The following LRBA variants were observed in gnomAD, a reference collection of about 807,000 sequenced individuals.
LRBA encodes LPS responsive beige-like anchor protein.
LRBA carries 176 observed loss-of-function variants against 330.0 expected under a neutral mutation model. The observed-to-expected ratio is 0.53, with a 90% CI of 0.47 to 0.60. The LOEUF (loss-of-function observed/expected upper bound fraction) is 0.60. Ranked by LOEUF, LRBA falls within the 20% of genes least tolerant of loss-of-function variation. The pLI is 0.00. For synonymous variants in LRBA, 1,230 were observed against 1,193.0 expected, an observed-to-expected ratio of 1.03 and a Z score of -0.64; for missense variants, 3,259 against 3,444.8, an observed-to-expected ratio of 0.95 and a Z score of 1.35.
At chr4:150,809,127 T>C (rs1036127262) in intron 31 of LRBA, among the ~76,000 whole-genome samples, 4 of 152,124 alleles carry the variant, frequency 2.6e-5, no homozygotes, top group East Asian at 1.9e-4. Context: ...AAACTGAGAA[T>C]TGTAGAATTC....
chr4:150,509,754 C>T (rs1761614047), intron 40 of LRBA, among the ~76,000 whole-genome samples: 2 of 152,104 alleles, frequency 1.3e-5, no homozygotes, highest in African/African-American at 4.8e-5. Context: ...GAAGAGACAT[C>T]AAAACAGATT....
At chr4:150,841,477 T>C (rs1222230364) in intron 28 of LRBA, among the ~76,000 whole-genome samples, 2 of 152,086 alleles carry the variant, frequency 1.3e-5, no homozygotes, top group African/African-American at 2.4e-5. Flanking sequence ...TTAGCAAACT[T>C]GAACAAGATA....
At chr4:151,010,078 C>T (rs936010074) in intron 2 of LRBA, among the ~76,000 whole-genome samples, 1 of 151,760 alleles carries the variant, frequency 6.6e-6, no homozygotes, top group African/African-American at 2.4e-5. Context: ...AATACTATAC[C>T]ATTTTATATA....
chr4:150,679,820 C>T (rs1297105500), intron 37 of LRBA, among the ~76,000 whole-genome samples: 2 of 152,146 alleles, frequency 1.3e-5, no homozygotes, highest in Non-Finnish European at 2.9e-5. Context: ...ATGTCTCTAG[C>T]TCTACCTATG....
chr4:150,655,853 C>A (rs1438906661), intron 37 of LRBA, among the ~76,000 whole-genome samples: 1 of 152,098 alleles, frequency 6.6e-6, no homozygotes, highest in Non-Finnish European at 1.5e-5. Context: ...GACATGGAAC[C>A]TCAAGGGTCT....
chr4:150,763,886 C>A (rs1735417765), intron 34 of LRBA, among the ~76,000 whole-genome samples: 1 of 151,916 alleles, frequency 6.6e-6, no homozygotes, highest in South Asian at 2.1e-4. Flanking sequence ...TAACCATGAC[C>A]TCTGTGGATA....
At chr4:150,360,893 C>A (rs1263389953) in intron 47 of LRBA, among the ~76,000 whole-genome samples, 1 of 152,148 alleles carries the variant, frequency 6.6e-6, no homozygotes. Context: ...TTATGACTAT[C>A]CTCTAAATAA....
chr4:150,530,885 T>C (rs907818454), intron 40 of LRBA, among the ~76,000 whole-genome samples: 11 of 152,282 alleles, frequency 7.2e-5, no homozygotes, highest in African/African-American at 2.4e-4. Context: ...ATTATACACA[T>C]AGGGAAGCTC....
intron 34 of LRBA, among the ~76,000 whole-genome samples, chr4:150,783,475 G>C (rs1738567518): frequency 6.6e-6 from 1 of 152,182 alleles, no homozygotes; most frequent in African/African-American, 2.4e-5. Context: ...CAATTTTGTA[G>C]TATCTGATAC....
chr4:150,414,315 A>T (rs567725303), intron 47 of LRBA, among the ~76,000 whole-genome samples: 1 of 152,260 alleles, frequency 6.6e-6, no homozygotes, highest in South Asian at 2.1e-4. Flanking sequence ...AATAATAATG[A>T]GACTGTAATA....
chr4:150,674,321 T>C lies in LRBA; in HGVS notation c.5921+9230A>G, dbSNP rs561045098. 7.2e-5 allele frequency among the ~76,000 whole-genome samples: 11 copies of C among 151,972 alleles called. No homozygotes were observed. The South Asian group carries it at 2.1e-3, about 29-fold the overall frequency. ...AATAAGAATGATCCTGACCCAAGTA[T>C]TTCAGAATACAAAAAGTCAAACAGT... is the stretch of plus-strand genomic sequence containing the variant. On this transcript the variant is annotated intron_variant, in intron 37 of 56. Transcript: ENST00000651943.
intron 51 of LRBA, among the ~76,000 whole-genome samples, chr4:150,313,643 A>G (rs1354285081): frequency 1.3e-5 from 2 of 151,888 alleles, no homozygotes; most frequent in Non-Finnish European, 2.9e-5. Context: ...TTTTTTATTT[A>G]TGGTGGCTTT....
At chr4:150,374,313 T>C (rs1341239041) in intron 47 of LRBA, among the ~76,000 whole-genome samples, 1 of 152,238 alleles carries the variant, frequency 6.6e-6, no homozygotes, top group South Asian at 2.1e-4. Context: ...TAAGGCCATG[T>C]GCTCAAGTTA....
intron 46 of LRBA, among the ~76,000 whole-genome samples, chr4:150,418,062 C>G (rs540584967): frequency 2.0e-4 from 30 of 150,802 alleles, no homozygotes; most frequent in Admixed American, 9.9e-4. Context: ...CACTCTGTCA[C>G]CCAGGTTGGA....
chr4:150,799,598 T>C (rs1488131491), intron 33 of LRBA, among the ~76,000 whole-genome samples: 4 of 152,258 alleles, frequency 2.6e-5, no homozygotes, highest in African/African-American at 9.6e-5. Flanking sequence ...TTCCTGCCAT[T>C]GGGCCCTGAT....
chr4:150,762,385 T>C (rs1735212756), intron 34 of LRBA, among the ~76,000 whole-genome samples: 1 of 151,862 alleles, frequency 6.6e-6, no homozygotes, highest in South Asian at 2.1e-4. Flanking sequence ...TAGTAATATC[T>C]GGTATAAATC....
Position 150,844,668 on chromosome 4 carries a change from G to T in LRBA, c.4451C>A (p.Ser1484Tyr). 1 of 1,612,032 alleles carries T rather than the reference G, an allele frequency of 6.2e-7. No individual in the cohort carries two copies. Among genetic ancestry groups the T allele is most frequent in the South Asian group, 1.1e-5 (1 of 90,568 alleles). The change falls in exon 27 of 57, where the codon TCT becomes TAT. Residue 1484 changes from serine (S) to tyrosine (Y), a missense_variant. Physicochemically the swap from Ser to Tyr is moderately radical, Grantham distance 144. Transcript: ENST00000651943. ...AATCTGTATACTTACCTTCGCTGCA[G>T]ATTTCCCTAAAGGAATAAGGCTATG... ...PMHSLIPLGK[S>Y]AAKSPVDIVT...
chr4:150,362,508 C>T (rs1738863811), intron 47 of LRBA, among the ~76,000 whole-genome samples: 1 of 152,094 alleles, frequency 6.6e-6, no homozygotes, highest in Non-Finnish European at 1.5e-5. Flanking sequence ...AGTGGATCTC[C>T]AACTTTAACA....
At chr4:150,963,501 G>A (rs1448149463) in intron 2 of LRBA, among the ~76,000 whole-genome samples, 1 of 149,592 alleles carries the variant, frequency 6.7e-6, no homozygotes, top group Non-Finnish European at 1.5e-5. Context: ...ATGGTGCCCA[G>A]GCTGGAGTGC....
Sources: allele counts gnomAD v4.1 joint callset (sites outside exome capture counted in the v4.1 genomes callset), GRCh38; gene constraint gnomAD v4.1.1; transcripts MANE v1.5; gene names NCBI Gene and HGNC (gene_info 2026-07-23, HGNC 2026-07-21).